The following NCOR1 variants were observed in gnomAD, a reference collection of about 807,000 sequenced individuals.
The protein encoded by NCOR1 is protein phosphatase 1, regulatory subunit 109.
Under a neutral mutation model 288.1 loss-of-function variants are expected in NCOR1, and 63 were observed. The ratio of observed to expected loss-of-function variants is 0.22; its 90% CI spans 0.18 to 0.27. The LOEUF is 0.27. NCOR1 is among the 10% of genes least tolerant of loss of function. NCOR1 has a pLI of 1.00. For missense variants in NCOR1, 2,397 were observed against 3,019.2 expected (o/e 0.79, Z 4.83); for synonymous variants, 1,007 against 1,065.9 (o/e 0.94, Z 1.08).
chr17:16,117,960 T>C lies in NCOR1; in HGVS notation c.1983A>G (p.Gln661=), dbSNP rs200684382. 2.4e-5 allele frequency: 39 copies of C among 1,614,034 alleles called. No individual in the cohort carries two copies. Among genetic ancestry groups the C allele is most frequent in the Non-Finnish European group, 2.8e-5 (33 of 1,179,952 alleles). Reference sequence around the variant, plus strand: ...TATAGTTAAAATAGAAGTTTTTACATTGAGCTTCACTTTTCGTTCCCACCA... The same window carrying C: ...TATAGTTAAAATAGAAGTTTTTACACTGAGCTTCACTTTTCGTTCCCACCA... ...AKMVGTKSEA[Q]CKNFYFNYKR... is the part of the protein sequence containing the mutation. The change falls in exon 18 of 46, where the codon CAA becomes CAG. Residue 661 remains glutamine (Q), a synonymous_variant. Coordinates refer to ENST00000268712, the MANE Select transcript of NCOR1 (RefSeq NM_006311.4).
Position 16,143,716 on chromosome 17 carries a change from T to C in NCOR1, c.1083-20A>G. The C allele has an allele frequency of 6.4e-7, 1 of 1,562,826 alleles. No homozygotes were observed. The highest frequency in any genetic ancestry group is 8.8e-7 in the Non-Finnish European group (1 of 1,139,934). ...CCAACTCTAAACATGAGGGAGAAAT[T>C]AAAAATATATTTAAAGACCTTATAT... is the stretch of plus-strand genomic sequence containing the variant. On this transcript the variant is annotated intron_variant, in intron 10 of 45. Coordinates refer to ENST00000268712, the MANE Select transcript of NCOR1 (RefSeq NM_006311.4).
intron 18 of NCOR1, among the ~76,000 whole-genome samples, chr17:16,116,207 C>T (rs760380821): frequency 3.3e-5 from 5 of 152,166 alleles, no homozygotes; most frequent in Non-Finnish European, 7.3e-5. Flanking sequence ...CCACTGAGTC[C>T]CTCCCATGAC....
chr17:16,106,445 A>AC (rs1483903216), intron 19 of NCOR1, among the ~76,000 whole-genome samples: 2 of 151,902 alleles, frequency 1.3e-5, no homozygotes, highest in African/African-American at 4.8e-5. Context: ...TACAAAAAAA[A>AC]ACCTTAAAGA....
At chr17:16,125,428 G>C (rs979122665) in intron 15 of NCOR1, among the ~76,000 whole-genome samples, 19 of 151,778 alleles carry the variant, frequency 1.3e-4, no homozygotes, top group Admixed American at 1.2e-3. Context: ...TACTAGGCTG[G>C]GCGCAGTGGC....
At chr17:16,105,055 A>G (rs922491671) in intron 19 of NCOR1, among the ~76,000 whole-genome samples, 3 of 152,236 alleles carry the variant, frequency 2.0e-5, no homozygotes, top group Non-Finnish European at 4.4e-5. Flanking sequence ...AGCAGCTGGC[A>G]GAAAGTTCAC....
intron 21 of NCOR1, among the ~76,000 whole-genome samples, chr17:16,095,542 GGGTCAGCCCCCCGCCC>G (rs2066362208): frequency 7.5e-6 from 1 of 132,848 alleles, no homozygotes; most frequent in African/African-American, 2.8e-5. Context: ...GGAGGTTGGG[GGGTCAGCCCCCCGCCC>G]GGCCAGCCGC....
intron 6 of NCOR1, among the ~76,000 whole-genome samples, chr17:16,156,633 T>C (rs1010543282): frequency 7.9e-5 from 12 of 152,114 alleles, no homozygotes; most frequent in African/African-American, 2.9e-4. Flanking sequence ...AAGGCAAGTT[T>C]AACACTGAAA....
At chr17:16,106,088 G>A (rs946718857) in intron 19 of NCOR1, among the ~76,000 whole-genome samples, 5 of 151,978 alleles carry the variant, frequency 3.3e-5, no homozygotes, top group African/African-American at 7.3e-5. Flanking sequence ...CAACAAGCGC[G>A]AGACTCCATC....
chr17:16,092,679 A>G (rs865801907), intron 21 of NCOR1, among the ~76,000 whole-genome samples: 1 of 18,680 alleles, frequency 5.4e-5, no homozygotes, highest in Non-Finnish European at 8.9e-5. Flanking sequence ...ATATATATAT[A>G]TATATATATA....
chr17:16,104,284 A>T lies in NCOR1; in HGVS notation c.2183-2527T>A, dbSNP rs188017201. On this transcript the variant is annotated intron_variant, in intron 19 of 45. Transcript: ENST00000268712. ...CCTAAGTAACCGTCTGGGAAAAAAA[A>T]ATATTTTTTAATTGTATATAATAGA... Among the ~76,000 whole-genome samples, 178 of 152,364 alleles carry T rather than the reference A, an allele frequency of 1.2e-3. 3 individuals are homozygous for T. The highest frequency in any genetic ancestry group is 1.8e-4 in the Non-Finnish European group (12 of 68,038).
chr17:16,188,035 G>C (rs759694821), intron 2 of NCOR1, among the ~76,000 whole-genome samples: 1 of 152,140 alleles, frequency 6.6e-6, no homozygotes, highest in East Asian at 1.9e-4. Context: ...CGTTGCAGGT[G>C]ATGGAGATGT....
Position 16,119,419 on chromosome 17 carries a change from T to C in NCOR1, c.1915+4A>G. 6.2e-7 allele frequency: 1 copy of C among 1,604,972 alleles called. No individual in the cohort carries two copies. Among genetic ancestry groups the C allele is most frequent in the Non-Finnish European group, 8.5e-7 (1 of 1,173,522 alleles). ...CCTGAGAAACCAGAACTACTACAAT[T>C]TACCTTTTTTAGCAACTTCCATTTC... On this transcript the variant is annotated splice_donor_region_variant and intron_variant, in intron 17 of 45. Transcript: ENST00000268712.
intron 5 of NCOR1, among the ~76,000 whole-genome samples, chr17:16,161,334 G>C (rs2080832087): frequency 6.6e-6 from 1 of 151,716 alleles, no homozygotes; most frequent in Non-Finnish European, 1.5e-5. Flanking sequence ...TTTTTGCCCA[G>C]GCTGGAGTGC....
intron 8 of NCOR1, among the ~76,000 whole-genome samples, chr17:16,151,248 A>C (rs905625796): frequency 2.0e-5 from 3 of 151,968 alleles, no homozygotes; most frequent in Non-Finnish European, 4.4e-5. Flanking sequence ...CTCTTACTTC[A>C]ATCAGATCAA....
chr17:16,067,594 C>T (rs748600733), intron 32 of NCOR1, among the ~76,000 whole-genome samples: 1 of 152,204 alleles, frequency 6.6e-6, no homozygotes, highest in Admixed American at 6.5e-5. Context: ...TTTAGGTATG[C>T]CTCTGTCATT....
rs555252155 is a variant in NCOR1 at position 16,148,451 on chromosome 17, C to G, written c.909+1000G>C. On this transcript the variant is annotated intron_variant, in intron 9 of 45. Coordinates refer to ENST00000268712, the MANE Select transcript of NCOR1 (RefSeq NM_006311.4). ...TTAGGCTCCCCCTAATTACTAAAAC[C>G]ATATGGCTATCTTGCTCACCTTTGC... Among the ~76,000 whole-genome samples the G allele has an allele frequency of 4.6e-5, 7 of 152,120 alleles. No homozygotes were observed. In the South Asian group the frequency reaches 1.2e-3, roughly 27 times the overall value.
chr17:16,094,672 C>T (rs926029292), intron 21 of NCOR1, among the ~76,000 whole-genome samples: 4 of 152,162 alleles, frequency 2.6e-5, no homozygotes, highest in Non-Finnish European at 4.4e-5. Context: ...CTGCCTGATT[C>T]TCCTGCCTCA....
chr17:16,054,343 TAAAC>T (rs1383146578), intron 40 of NCOR1, among the ~76,000 whole-genome samples: 1 of 151,304 alleles, frequency 6.6e-6, no homozygotes, highest in Non-Finnish European at 1.5e-5. Flanking sequence ...ATAAAGAGCT[TAAAC>T]AAATTTACAA....
chr17:16,101,656 T>C lies in NCOR1; in HGVS notation c.2284A>G (p.Ser762Gly). ...GGAACTGCTAAGGAGGGAGATGTAC[T>C]GGGTGCAGTTTCCGTGGTGGGCTCA... is the stretch of plus-strand genomic sequence containing the variant. ...ELEPTTETAP[S>G]TSPSLAVPST... is the part of the protein sequence containing the mutation. The change falls in exon 20 of 46, where the codon AGT (serine) becomes GGT (glycine). Residue 762 changes from serine (S) to glycine (G), a missense_variant. Coordinates refer to ENST00000268712, the MANE Select transcript of NCOR1 (RefSeq NM_006311.4). 1.2e-6 allele frequency: 2 copies of C among 1,614,248 alleles called. No individual in the cohort carries two copies. Among genetic ancestry groups the C allele is most frequent in the Admixed American group, 1.7e-5 (1 of 60,028 alleles).
Sources: allele counts gnomAD v4.1 joint callset (sites outside exome capture counted in the v4.1 genomes callset), GRCh38; gene constraint gnomAD v4.1.1; transcripts MANE v1.5; gene names NCBI Gene and HGNC (gene_info 2026-07-23, HGNC 2026-07-21).